EPHA6: variants seen among roughly 807,000 people sequenced by gnomAD.
EPHA6 encodes the protein EPH receptor A6.
In EPHA6, 50 loss-of-function variants were observed where a neutral mutation model predicts 112.0. The observed-to-expected ratio is 0.45, with a 90% confidence interval of 0.36 to 0.56. The LOEUF (loss-of-function observed/expected upper bound fraction) is 0.56, where lower values mean the gene tolerates loss of function less well. Among genes scored for constraint, EPHA6 ranks in the 20% least tolerant of loss-of-function variants. EPHA6 has a pLI of 0.00. For missense variants in EPHA6, 1,280 were observed against 1,417.4 expected (o/e 0.90, Z 1.56); for synonymous variants, 529 against 490.7 (o/e 1.08, Z -1.03).
intron 3 of EPHA6, among the ~76,000 whole-genome samples, chr3:97,188,648 T>C (rs1559785453): frequency 6.6e-6 from 1 of 151,936 alleles, no homozygotes; most frequent in Non-Finnish European, 1.5e-5. Context: ...GAAATATTTC[T>C]TAAATAAAGA....
intron 2 of EPHA6, among the ~76,000 whole-genome samples, chr3:96,926,175 G>A (rs1245923835): frequency 6.6e-6 from 1 of 152,112 alleles, no homozygotes; most frequent in Non-Finnish European, 1.5e-5. Flanking sequence ...GTCTTACATG[G>A]CAGCAGGCGA....
intron 3 of EPHA6, among the ~76,000 whole-genome samples, chr3:97,163,918 T>A (rs1053917204): frequency 2.0e-5 from 3 of 152,200 alleles, no homozygotes; most frequent in African/African-American, 7.2e-5. Flanking sequence ...TTAAGCCTGT[T>A]GAAGGAAGAT....
At chr3:97,036,861 T>C (rs970602769) in intron 3 of EPHA6, among the ~76,000 whole-genome samples, 1 of 151,956 alleles carries the variant, frequency 6.6e-6, no homozygotes, top group Non-Finnish European at 1.5e-5. Context: ...TCAGTGCTGA[T>C]TGTTGGCTGC....
chr3:97,479,610 A>G (rs560520247), intron 9 of EPHA6, among the ~76,000 whole-genome samples: 47 of 152,316 alleles, frequency 3.1e-4, no homozygotes, highest in African/African-American at 1.1e-3. Flanking sequence ...TTTGCTAAAA[A>G]TAATAGTTGA....
chr3:97,104,804 G>A (rs926247480), intron 3 of EPHA6, among the ~76,000 whole-genome samples: 11 of 151,856 alleles, frequency 7.2e-5, no homozygotes, highest in South Asian at 2.1e-4. Context: ...TAATTATTAC[G>A]AATTCAGTTT....
intron 11 of EPHA6, among the ~76,000 whole-genome samples, chr3:97,537,506 C>T (rs959325799): frequency 6.6e-6 from 1 of 152,046 alleles, no homozygotes; most frequent in Admixed American, 6.6e-5. Flanking sequence ...GTGCTGTTTT[C>T]GTTATAATTA....
At chr3:97,172,574 A>C (rs2076730262) in intron 3 of EPHA6, among the ~76,000 whole-genome samples, 1 of 152,016 alleles carries the variant, frequency 6.6e-6, no homozygotes, top group Admixed American at 6.6e-5. Flanking sequence ...CTAGTCATAC[A>C]GTTAGACACA....
chr3:97,689,911 G>A (rs958643196), intron 14 of EPHA6, among the ~76,000 whole-genome samples: 3 of 152,102 alleles, frequency 2.0e-5, no homozygotes, highest in South Asian at 4.1e-4. Flanking sequence ...TGCTTCTTTC[G>A]CTAAGCATAA....
chr3:97,389,777 C>A (rs998676747), intron 5 of EPHA6, among the ~76,000 whole-genome samples: 2 of 152,062 alleles, frequency 1.3e-5, no homozygotes, highest in East Asian at 1.9e-4. Flanking sequence ...TTTTAAAATT[C>A]TTTGTAATCC....
intron 3 of EPHA6, among the ~76,000 whole-genome samples, chr3:97,014,796 C>A (rs2044210310): frequency 6.6e-6 from 1 of 152,016 alleles, no homozygotes; most frequent in Admixed American, 6.6e-5. Context: ...ATCAGAAATT[C>A]TTTTTTGAGA....
chr3:97,306,911 G>A (rs538267976), intron 5 of EPHA6, among the ~76,000 whole-genome samples: 1 of 150,068 alleles, frequency 6.7e-6, no homozygotes, highest in East Asian at 2.0e-4. Context: ...TTACATGTTA[G>A]AGAAGACTTA....
At chr3:97,276,319 G>A (rs562390349) in intron 5 of EPHA6, among the ~76,000 whole-genome samples, 1 of 152,262 alleles carries the variant, frequency 6.6e-6, no homozygotes, top group African/African-American at 2.4e-5. Context: ...GGCTCTGGGA[G>A]TGGCTGCCAG....
At chr3:97,200,562 A>G (rs555840798) in intron 3 of EPHA6, among the ~76,000 whole-genome samples, 1 of 152,232 alleles carries the variant, frequency 6.6e-6, no homozygotes, top group Admixed American at 6.5e-5. Flanking sequence ...TGTTCCCTCC[A>G]GCAATGAAAG....
intron 3 of EPHA6, among the ~76,000 whole-genome samples, chr3:97,167,852 T>C (rs1032309026): frequency 1.4e-4 from 22 of 152,066 alleles, no homozygotes; most frequent in African/African-American, 5.1e-4. Flanking sequence ...TTAAAATAAA[T>C]AGATGGCTCA....
At chr3:97,638,772 A>G (rs77807000) in intron 14 of EPHA6, among the ~76,000 whole-genome samples, 2 of 152,122 alleles carry the variant, frequency 1.3e-5, no homozygotes, top group Non-Finnish European at 2.9e-5. Context: ...CTGTTGTGCT[A>G]TCTTCAAGCT....
chr3:97,365,487 TTCAGGGGATTCTCCTACC>T (rs1486702159), intron 5 of EPHA6, among the ~76,000 whole-genome samples: 2 of 151,984 alleles, frequency 1.3e-5, no homozygotes, highest in Non-Finnish European at 2.9e-5. Context: ...GACTCCCTGG[TTCAGGGGATTCTCCTACC>T]TCAGCCTCCT....
At chr3:97,563,050 C>CA (rs961534776) in intron 11 of EPHA6, among the ~76,000 whole-genome samples, 17 of 151,666 alleles carry the variant, frequency 1.1e-4, no homozygotes, top group Admixed American at 2.6e-4. Flanking sequence ...ACTTGGAAAC[C>CA]AAAAAAAATT....
At chr3:97,131,317 T>G (rs1057010385) in intron 3 of EPHA6, among the ~76,000 whole-genome samples, 4 of 152,114 alleles carry the variant, frequency 2.6e-5, no homozygotes, top group Non-Finnish European at 5.9e-5. Context: ...GATAGAGAGA[T>G]AGATACTTAA....
chr3:97,388,782 A>C (rs922187468), intron 5 of EPHA6, among the ~76,000 whole-genome samples: 2 of 152,180 alleles, frequency 1.3e-5, no homozygotes, highest in African/African-American at 4.8e-5. Context: ...GGAGCCTTTC[A>C]AAATGAATCT....
Sources: gnomAD v4.1 joint callset for allele counts (sites outside exome capture counted in the v4.1 genomes callset) on GRCh38, gnomAD v4.1.1 for gene constraint, MANE v1.5 for transcripts, NCBI Gene and HGNC (gene_info 2026-07-23, HGNC 2026-07-21) for gene names.